DIP2B: variants seen among roughly 807,000 people sequenced by gnomAD.
DIP2B encodes the protein disco-interacting protein 2 homolog B.
DIP2B carries 76 observed loss-of-function variants against 198.0 expected under a neutral mutation model. The observed-to-expected ratio is 0.38, with a 90% CI of 0.32 to 0.46. DIP2B has a LOEUF of 0.46. Ranked by LOEUF, DIP2B falls within the 20% of genes least tolerant of loss-of-function variation. DIP2B has a pLI of 0.99. For missense variants in DIP2B, 1,559 were observed against 1,978.4 expected (o/e 0.79, Z 4.02); for synonymous variants, 701 against 739.1 (o/e 0.95, Z 0.84).
chr12:50,671,456 C>T (rs1472640325), intron 5 of DIP2B, 58 bp downstream of exon 5: 1 of 1,558,078 alleles, frequency 6.4e-7, no homozygotes, highest in Non-Finnish European at 8.8e-7. Context: ...TCCCAGTATC[C>T]AGGAAATAGT....
intron 37 of DIP2B, among the ~76,000 whole-genome samples, chr12:50,743,088 TG>T (rs1940282426): frequency 6.6e-6 from 1 of 152,146 alleles, no homozygotes; most frequent in East Asian, 1.9e-4. Context: ...TACTGGAATT[TG>T]GTTTTGTTTG....
intron 1 of DIP2B, among the ~76,000 whole-genome samples, chr12:50,563,423 G>A (rs116647662): frequency 0.014 from 2,055 of 150,944 alleles, 41 homozygotes; most frequent in African/African-American, 0.047. Context: ...ATGGACTCAA[G>A]CAATCTGCCT....
chr12:50,670,846 A>G (rs1330577599), intron 4 of DIP2B, among the ~76,000 whole-genome samples: 2 of 152,256 alleles, frequency 1.3e-5, no homozygotes, highest in Non-Finnish European at 2.9e-5. Context: ...AGGAAGACAT[A>G]TAAGTACTTC....
intron 1 of DIP2B, among the ~76,000 whole-genome samples, chr12:50,583,364 G>A (rs1958742390): frequency 6.6e-6 from 1 of 151,910 alleles, no homozygotes; most frequent in South Asian, 2.1e-4. Flanking sequence ...TAGTGGTGGC[G>A]AGTACTTGTT....
rs765471778 is a variant in DIP2B, at chr12:50,739,431, C to T, written c.4199C>T (p.Thr1400Ile). The change falls in exon 36 of 38, where the codon ACA becomes ATA. Residue 1400 changes from threonine to isoleucine, a missense_variant. Coordinates refer to ENST00000301180, the MANE Select transcript of DIP2B (RefSeq NM_173602.3). ...LGEIWVNSPH[T>I]ASGYYTIYDS... is the part of the protein sequence containing the mutation. Reference sequence around the variant, plus strand: ...TAGATTTGGGTGAACAGTCCCCATACAGCCAGCGGCTACTACACCATCTAT... The same window carrying T: ...TAGATTTGGGTGAACAGTCCCCATATAGCCAGCGGCTACTACACCATCTAT... The T allele has an allele frequency of 8.7e-6, 14 of 1,613,552 alleles. No individual in the cohort carries two copies. In the South Asian group the frequency reaches 1.3e-4, roughly 15 times the overall value.
intron 9 of DIP2B, among the ~76,000 whole-genome samples, chr12:50,682,714 C>T (rs958119215): frequency 7.3e-5 from 11 of 150,642 alleles, no homozygotes; most frequent in Non-Finnish European, 1.5e-4. Context: ...GTTGTAGGCT[C>T]TCTCTGAGAG....
chr12:50,604,722 G>A (rs758948088), intron 1 of DIP2B, among the ~76,000 whole-genome samples: 1 of 152,132 alleles, frequency 6.6e-6, no homozygotes, highest in Non-Finnish European at 1.5e-5. Context: ...GGGATTATAG[G>A]CATGAGCCAG....
At chr12:50,638,576 T>A (rs1184936240) in intron 2 of DIP2B, among the ~76,000 whole-genome samples, 1 of 152,214 alleles carries the variant, frequency 6.6e-6, no homozygotes, top group African/African-American at 2.4e-5. Flanking sequence ...GCTTTTAGCT[T>A]TTCTTTACCA....
In DIP2B at chr12:50,578,503, TC is replaced by T. The variant is rs1475398527; in HGVS notation, c.101-47472del. On this transcript the variant is annotated intron_variant, in intron 1 of 37. Transcript: ENST00000301180. The stretch of plus-strand genomic sequence containing the variant: ...ATAATGATATTAAGATGTTATTTGC[TC>T]TTTTTTTTTTTTTTTTTTTTTGAGA... 1.2e-4 allele frequency among the ~76,000 whole-genome samples: 16 copies of T among 135,724 alleles called. No homozygotes were observed. In the East Asian group the frequency reaches 3.4e-3, roughly 29 times the overall value. The allele number at this position is 135,724 out of a possible 152,430, so 89.0% of individuals were successfully genotyped here.
Position 50,682,628 on chromosome 12 carries a change from CAAAAAAAAAAAAA to C in DIP2B, c.1207-497_1207-485del, listed in dbSNP as rs58672851. 2.1e-4 allele frequency among the ~76,000 whole-genome samples: 9 copies of C among 42,142 alleles called. No homozygotes were observed. The South Asian group carries it at 3.3e-3, about 15-fold the overall frequency. The allele number at this position is 42,142 out of a possible 152,430, so 27.6% of individuals were successfully genotyped here. On this transcript the variant is annotated intron_variant, in intron 9 of 37. Coordinates refer to ENST00000301180, the MANE Select transcript of DIP2B (RefSeq NM_173602.3). ...TGGGCGACAGAGCGAGACTCTGTCT[CAAAAAAAAAAAAA>C]AAAAAAAAAAAAGAGTAGGAAAACT...
intron 1 of DIP2B, among the ~76,000 whole-genome samples, chr12:50,507,510 T>C (rs1405121848): frequency 1.3e-5 from 2 of 152,228 alleles, no homozygotes; most frequent in Non-Finnish European, 2.9e-5. Flanking sequence ...GTTACTCTGC[T>C]CTAACATAAG....
chr12:50,621,776 G>C (rs1036404212), intron 1 of DIP2B, among the ~76,000 whole-genome samples: 6 of 152,164 alleles, frequency 3.9e-5, no homozygotes, highest in African/African-American at 1.4e-4. Flanking sequence ...GGGAGGGGGA[G>C]CATTTTAAAG....
At chr12:50,655,072 C>A in intron 3 of DIP2B, 1 of 434,640 alleles carries the variant, frequency 2.3e-6, no homozygotes, top group Non-Finnish European at 4.6e-6. Context: ...AATATATTTG[C>A]AGGAGGCTAT....
intron 10 of DIP2B, among the ~76,000 whole-genome samples, chr12:50,683,807 A>T (rs944821160): frequency 6.6e-5 from 10 of 151,180 alleles, no homozygotes; most frequent in East Asian, 3.9e-4. Flanking sequence ...AATAAATAAA[A>T]AATAAATAAA....
intron 22 of DIP2B, among the ~76,000 whole-genome samples, chr12:50,710,752 A>G (rs536335144): frequency 1.2e-3 from 186 of 152,200 alleles, no homozygotes; most frequent in African/African-American, 4.1e-3. Flanking sequence ...ATTTCTTTCT[A>G]TCCTCAGGGT....
chr12:50,631,352 G>A lies in DIP2B; in HGVS notation c.172+5305G>A, dbSNP rs537408382. Among the ~76,000 whole-genome samples, 95 of 151,728 alleles carry A rather than the reference G, an allele frequency of 6.3e-4. 1 individual carries two copies. Among genetic ancestry groups the A allele is most frequent in the Admixed American group, 1.1e-3 (16 of 15,236 alleles). On this transcript the variant is annotated intron_variant, in intron 2 of 37. Transcript: ENST00000301180. ...AGCAATTCTCCTGCCTCAGCCTCCC[G>A]AGTAGCTGAGATTACAGGCACCTGC...
intron 13 of DIP2B, among the ~76,000 whole-genome samples, chr12:50,692,693 C>T (rs1469554340): frequency 2.0e-5 from 3 of 151,994 alleles, no homozygotes; most frequent in South Asian, 4.1e-4. Flanking sequence ...CAAAATTAGC[C>T]GTGCATGGTG....
intron 15 of DIP2B, 64 bp from the exon 16 acceptor site, chr12:50,695,783 TG>T (rs1430601194): frequency 2.5e-6 from 4 of 1,568,694 alleles, no homozygotes; most frequent in Non-Finnish European, 3.5e-6. Context: ...ATGTTTTTAT[TG>T]TGGTGTATTA....
intron 1 of DIP2B, among the ~76,000 whole-genome samples, chr12:50,529,671 A>G (rs1363830429): frequency 1.3e-5 from 2 of 152,012 alleles, no homozygotes; most frequent in African/African-American, 4.8e-5. Context: ...GGGGATTTGT[A>G]TTGATGTTCC....
Sources: gnomAD v4.1 joint callset for allele counts (sites outside exome capture counted in the v4.1 genomes callset) on GRCh38, gnomAD v4.1.1 for gene constraint, MANE v1.5 for transcripts, NCBI Gene and HGNC (gene_info 2026-07-23, HGNC 2026-07-21) for gene names.